The following MACO1 variants were observed in gnomAD, a reference collection of about 807,000 sequenced individuals.
MACO1 encodes the protein macoilin.
MACO1 carries 14 observed loss-of-function variants against 78.7 expected under a neutral mutation model. The ratio of observed to expected loss-of-function variants is 0.18; its 90% confidence interval spans 0.12 to 0.28. The LOEUF (loss-of-function observed/expected upper bound fraction) is 0.28. Ranked by LOEUF, MACO1 falls within the 10% of genes least tolerant of loss-of-function variation. The pLI, the probability that MACO1 is intolerant of heterozygous loss-of-function variation, is 1.00. For synonymous variants in MACO1, 288 were observed against 291.6 expected (o/e 0.99, Z 0.12); for missense variants, 501 against 799.0 (o/e 0.63, Z 4.50).
chr1:25,464,818 A>ACTCG (rs2043203699), intron 6 of MACO1, among the ~76,000 whole-genome samples: 1 of 151,606 alleles, frequency 6.6e-6, no homozygotes, highest in African/African-American at 2.4e-5. Context: ...CACCATGCCC[A>ACTCG]GCTAATTTTT....
intron 6 of MACO1, among the ~76,000 whole-genome samples, chr1:25,463,339 G>T (rs1457700248): frequency 6.6e-6 from 1 of 152,228 alleles, no homozygotes; most frequent in Non-Finnish European, 1.5e-5. Context: ...GGAGGAAGGT[G>T]AGGAACCTGG....
chr1:25,451,043 G>T (rs1232281020), intron 3 of MACO1, among the ~76,000 whole-genome samples: 1 of 144,086 alleles, frequency 6.9e-6, no homozygotes, highest in Non-Finnish European at 1.5e-5. Flanking sequence ...CCACAGGGCA[G>T]CAGTGTAGCT....
chr1:25,444,328 G>A (rs556435949), intron 1 of MACO1, among the ~76,000 whole-genome samples: 168 of 151,908 alleles, frequency 1.1e-3, no homozygotes, highest in African/African-American at 3.6e-3. Flanking sequence ...TTGAACCCCT[G>A]GGCTCAAATG....
intron 6 of MACO1, among the ~76,000 whole-genome samples, chr1:25,461,639 G>A (rs1015897534): frequency 1.3e-5 from 2 of 151,874 alleles, no homozygotes; most frequent in African/African-American, 2.4e-5. Flanking sequence ...AATAAATTAT[G>A]GTCCATCCAT....
intron 2 of MACO1, among the ~76,000 whole-genome samples, chr1:25,447,123 TACTC>T (rs2043022888): frequency 6.6e-6 from 1 of 152,170 alleles, no homozygotes; most frequent in African/African-American, 2.4e-5. Context: ...AAGCAATAAT[TACTC>T]AGGCTTTTGG....
chr1:25,474,628 C>T (rs1455600217), intron 6 of MACO1, among the ~76,000 whole-genome samples: 2 of 152,182 alleles, frequency 1.3e-5, no homozygotes, highest in South Asian at 2.1e-4. Context: ...AGGGGACAGC[C>T]TTGTGATAAG....
chr1:25,465,761 C>T (rs139740580), intron 6 of MACO1, among the ~76,000 whole-genome samples: 200 of 152,304 alleles, frequency 1.3e-3, no homozygotes, highest in African/African-American at 4.6e-3. Context: ...ATCGACCCTC[C>T]TTCTACCCCC....
At chr1:25,438,464 C>G (rs1403387089) in intron 1 of MACO1, among the ~76,000 whole-genome samples, 2 of 152,190 alleles carry the variant, frequency 1.3e-5, no homozygotes, top group African/African-American at 2.4e-5. Context: ...TTATAGGAAA[C>G]AAACCTGAGG....
At chr1:25,461,344 T>C (rs1335944220) in intron 6 of MACO1, among the ~76,000 whole-genome samples, 1 of 152,094 alleles carries the variant, frequency 6.6e-6, no homozygotes, top group Non-Finnish European at 1.5e-5. Context: ...ACATGTACCC[T>C]AAAACTTAAA....
At chr1:25,440,230 C>CA (rs35841483) in intron 1 of MACO1, among the ~76,000 whole-genome samples, 1,899 of 95,830 alleles carry the variant, frequency 0.02, 70 homozygotes, top group African/African-American at 0.07. Flanking sequence ...CCCATCTCTA[C>CA]AAAAAAAAAA....
chr1:25,477,642 G>GTC (rs1321340644), intron 6 of MACO1, among the ~76,000 whole-genome samples: 1 of 152,178 alleles, frequency 6.6e-6, no homozygotes, highest in Non-Finnish European at 1.5e-5. Context: ...CCTAGGTGAA[G>GTC]TCTTGGCTGA....
In MACO1 at chr1:25,446,624, C is replaced by CT. The variant is rs2043017406; in HGVS notation, c.81-132dup. ...ATGCAGATGGGCCACGGCAGCATCT[C>CT]TTTTTTGTGCTTTATCTCCATTGTT... is the stretch of plus-strand genomic sequence containing the variant. On this transcript the variant is annotated intron_variant, in intron 1 of 10. Coordinates refer to ENST00000374343, the MANE Select transcript of MACO1 (RefSeq NM_018202.6). 18 of 856,828 alleles carry CT rather than the reference C, an allele frequency of 2.1e-5. No homozygotes were observed. In the South Asian group the frequency reaches 3.1e-4, roughly 15 times the overall value. 53.1% of individuals were successfully genotyped at this position (856,828 alleles called of 1,614,324 possible). A position where few individuals can be genotyped will look rare whatever the true frequency, so the allele number is the denominator to read the frequency against.
chr1:25,491,650 C>T, intron 10 of MACO1, 66 bp downstream of exon 10: 3 of 1,447,966 alleles, frequency 2.1e-6, no homozygotes, highest in South Asian at 2.4e-5. Flanking sequence ...ACAGGCCAGA[C>T]CTCTCCTGAG....
At chr1:25,458,987 T>C (rs2043148240) in intron 6 of MACO1, 95 bp downstream of exon 6, 1 of 1,448,286 alleles carries the variant, frequency 6.9e-7, no homozygotes, top group Non-Finnish European at 9.3e-7. Context: ...TTGTTTGTAA[T>C]CAGATATTGT....
rs552670768 is a variant in MACO1 at position 25,461,584 on chromosome 1, CA to C, written c.1154+2700del. The stretch of plus-strand genomic sequence containing the variant: ...GTTGGTTCTCTTCCTTCCCCCCCCT[CA>C]AAAAAAAGGGTGATGTAAATATCCA... On this transcript the variant is annotated intron_variant, in intron 6 of 10. Coordinates refer to ENST00000374343, the MANE Select transcript of MACO1 (RefSeq NM_018202.6). Among the ~76,000 whole-genome samples the C allele has an allele frequency of 2.5e-3, 375 of 150,162 alleles. 2 individuals are homozygous for C. Among genetic ancestry groups the C allele is most frequent in the Middle Eastern group, 0.01 (3 of 292 alleles).
intron 6 of MACO1, among the ~76,000 whole-genome samples, chr1:25,460,777 G>A (rs1029149792): frequency 6.6e-6 from 1 of 150,916 alleles, no homozygotes; most frequent in Non-Finnish European, 1.5e-5. Flanking sequence ...CAGTGCCCCC[G>A]TGCCTACACC....
intron 8 of MACO1, among the ~76,000 whole-genome samples, chr1:25,488,184 T>G (rs1162041202): frequency 1.3e-5 from 2 of 152,306 alleles, no homozygotes; most frequent in African/African-American, 4.8e-5. Flanking sequence ...CCTGAGTAGC[T>G]GGGACTACAG....
At chr1:25,457,778 C>T (rs575739649) in intron 5 of MACO1, among the ~76,000 whole-genome samples, 6 of 152,112 alleles carry the variant, frequency 3.9e-5, no homozygotes, top group South Asian at 2.1e-4. Context: ...TGATGTGGTG[C>T]AAAAATATCT....
intron 10 of MACO1, among the ~76,000 whole-genome samples, chr1:25,491,885 T>C (rs2043489299): frequency 6.6e-6 from 1 of 152,178 alleles, no homozygotes; most frequent in Non-Finnish European, 1.5e-5. Context: ...TGCTTAGGTA[T>C]AAGTATATAC....
Sources: gnomAD v4.1 joint callset for allele counts (sites outside exome capture counted in the v4.1 genomes callset) on GRCh38, gnomAD v4.1.1 for gene constraint, MANE v1.5 for transcripts, NCBI Gene and HGNC (gene_info 2026-07-23, HGNC 2026-07-21) for gene names.